Variants in NOL11 observed in about 807,000 individuals in gnomAD.
NOL11 encodes nucleolar protein 11.
NOL11 carries 42 observed loss-of-function variants against 93.0 expected under a neutral mutation model. The ratio of observed to expected loss-of-function variants is 0.45; its 90% CI spans 0.35 to 0.58. The LOEUF (loss-of-function observed/expected upper bound fraction) is 0.58, where lower values mean the gene tolerates loss of function less well. Among genes scored for constraint, NOL11 ranks in the 20% least tolerant of loss-of-function variants. NOL11 has a pLI of 0.00. For missense variants in NOL11, 775 were observed against 841.8 expected (o/e 0.92, Z 0.98); for synonymous variants, 296 against 293.7 (o/e 1.01, Z -0.08).
At position 67,719,906 on chromosome 17, in the gene NOL11, GT is replaced by G; in HGVS notation, c.260del (p.Leu87Ter). On this transcript the variant is annotated frameshift_variant and splice_region_variant, in exon 3 of 18. Coordinates refer to ENST00000253247, the MANE Select transcript of NOL11 (RefSeq NM_015462.5). LOFTEE classifies it high-confidence loss of function. ...TTTAACTAGTATGTTTTGATTTAAG[GT>G]TTTAAGAATATGGAATAATGAAGAT... ...GEYVVVHDNK[V>X]LRIWNNEDVN... is the part of the protein sequence containing the mutation. The G allele has an allele frequency of 6.4e-7, 1 of 1,569,290 alleles. No homozygotes were observed. Among genetic ancestry groups the G allele is most frequent in the South Asian group, 1.2e-5 (1 of 85,626 alleles).
At chr17:67,740,609 C>CA (rs11439892) in intron 16 of NOL11, 103,652 of 135,900 alleles carry the variant, frequency 0.76, 39,212 homozygotes, top group Middle Eastern at 0.86. Context: ...TACTCCGTCT[C>CA]AAAAAAAAAA....
At position 67,741,878 on chromosome 17, in the gene NOL11, T is replaced by A. The variant is rs149026401; in HGVS notation, c.1936-1601T>A. Among the ~76,000 whole-genome samples the A allele has an allele frequency of 9.4e-4, 143 of 152,296 alleles. 1 individual carries two copies. The highest frequency in any genetic ancestry group is 1.6e-4 in the Non-Finnish European group (11 of 68,020). On this transcript the variant is annotated intron_variant, in intron 16 of 17. Transcript: ENST00000253247. The stretch of plus-strand genomic sequence containing the variant: ...CGCACCCGGCCCACTCAGCACTGTT[T>A]TAGACATTTCCTGGACCAGTAGACA...
Position 67,743,901 on chromosome 17 carries a change from T to C in NOL11, c.*42T>C. The stretch of plus-strand genomic sequence containing the variant: ...TCATAGACATTTTATAAAGCTCTTT[T>C]ATGTGAACTCTTGCTTCATCCAGGC... On this transcript the variant is annotated 3_prime_UTR_variant, in exon 18 of 18. Transcript: ENST00000253247. 4.0e-6 allele frequency: 4 copies of C among 1,008,804 alleles called. No homozygotes were observed. Among genetic ancestry groups the C allele is most frequent in the Non-Finnish European group, 5.9e-6 (4 of 672,830 alleles). The allele number at this position is 1,008,804 out of a possible 1,614,324, so 62.5% of individuals were successfully genotyped here.
intron 13 of NOL11, 58 bp from the exon 14 acceptor site, chr17:67,738,064 A>G: frequency 1.3e-6 from 2 of 1,550,834 alleles, no homozygotes; most frequent in South Asian, 2.4e-5. Context: ...AGGAAATGAA[A>G]TTTTTCCCAA....
intron 6 of NOL11, among the ~76,000 whole-genome samples, chr17:67,726,082 T>C (rs2055089363): frequency 6.6e-6 from 1 of 152,096 alleles, no homozygotes; most frequent in Non-Finnish European, 1.5e-5. Context: ...TGAGACCCTG[T>C]CTCAAAAAAA....
In NOL11 at chr17:67,743,743, A is replaced by G. The variant is rs192947561; in HGVS notation, c.2044A>G (p.Ile682Val). 4 of 1,472,496 alleles carry G rather than the reference A, an allele frequency of 2.7e-6. No homozygotes were observed. The highest frequency in any genetic ancestry group is 2.3e-5 in the East Asian group (1 of 43,060). 91.2% of individuals were successfully genotyped at this position (1,472,496 alleles called of 1,614,324 possible). ...GTTACTCTGAAACTCTTTTCTTTAG[A>G]TATCTGTTTATTCTGAGCTCAACAA... ...INLYKLVKSQ[I>V]SVYSELNKIE... is the part of the protein sequence containing the mutation. Residue 682 changes from isoleucine to valine, a missense_variant and splice_region_variant, in exon 18 of 18, where the codon ATA becomes GTA. By Grantham distance (29) the Ile-to-Val change is conservative (BLOSUM62 3). Transcript: ENST00000253247.
chr17:67,736,065 T>G (rs772201505), intron 9 of NOL11, 42 bp downstream of exon 9: 4 of 1,550,242 alleles, frequency 2.6e-6, no homozygotes, highest in Non-Finnish European at 3.5e-6. Context: ...ACAAACCGTT[T>G]TATTAACTTG....
intron 1 of NOL11, chr17:67,719,421 C>T (rs536828100): frequency 2.7e-4 from 70 of 257,562 alleles, no homozygotes; most frequent in Admixed American, 3.7e-4. Context: ...CCACCACGCC[C>T]GGCTAATTTT....
At chr17:67,734,640 A>G (rs60963155) in intron 8 of NOL11, among the ~76,000 whole-genome samples, 75,319 of 151,998 alleles carry the variant, frequency 0.5, 19,150 homozygotes, top group Admixed American at 0.61. Context: ...TTGAACCTAA[A>G]TATTTTGGCA....
At chr17:67,730,077 G>GT (rs750114222) in intron 7 of NOL11, among the ~76,000 whole-genome samples, 4 of 152,146 alleles carry the variant, frequency 2.6e-5, no homozygotes, top group Non-Finnish European at 5.9e-5. Context: ...CTCGTTGCAT[G>GT]TATCAGTGTT....
intron 15 of NOL11, among the ~76,000 whole-genome samples, 184 bp from the exon 16 acceptor site, chr17:67,739,332 C>A (rs1000004451): frequency 6.6e-6 from 1 of 152,142 alleles, no homozygotes; most frequent in Non-Finnish European, 1.5e-5. Flanking sequence ...CACCACTACC[C>A]CCAAACCAGA....
At chr17:67,738,470 T>G in intron 14 of NOL11, 115 bp downstream of exon 14, 1 of 679,792 alleles carries the variant, frequency 1.5e-6, no homozygotes. Flanking sequence ...TTTCCAATTG[T>G]TTTTTGTTTC....
intron 3 of NOL11, 123 bp from the exon 4 acceptor site, chr17:67,721,255 T>G: frequency 1.6e-6 from 1 of 612,516 alleles, no homozygotes; most frequent in Admixed American, 3.6e-5. Flanking sequence ...TACATAATTA[T>G]AAAGCAAAAT....
intron 7 of NOL11, 27 bp downstream of exon 7, chr17:67,726,675 G>C: frequency 6.6e-7 from 1 of 1,526,634 alleles, no homozygotes; most frequent in Middle Eastern, 1.7e-4. Context: ...TCATTAAGAA[G>C]GCCTTTGTAT....
At position 67,738,911 on chromosome 17, in the gene NOL11, C is replaced by T. The variant is rs773068451; in HGVS notation, c.1764-21C>T. ...AGAATAGCTTCTATTTGTTGAAGTA[C>T]GATTTTCCTTTAGTCCTAAGTAATG... On this transcript the variant is annotated intron_variant, in intron 14 of 17. Coordinates refer to ENST00000253247, the MANE Select transcript of NOL11 (RefSeq NM_015462.5). 1.6e-5 allele frequency: 24 copies of T among 1,503,604 alleles called. No individual in the cohort carries two copies. The South Asian group carries it at 2.2e-4, about 14-fold the overall frequency. 93.1% of individuals were successfully genotyped at this position (1,503,604 alleles called of 1,614,324 possible).
At chr17:67,719,519 A>G in intron 1 of NOL11, 155 bp from the exon 2 acceptor site, 1 of 480,128 alleles carries the variant, frequency 2.1e-6, no homozygotes, top group Non-Finnish European at 3.8e-6. Context: ...TTGACCTCTC[A>G]AAATGCTGGG....
At chr17:67,732,680 TCTC>T (rs1441418659) in intron 7 of NOL11, among the ~76,000 whole-genome samples, 2 of 151,468 alleles carry the variant, frequency 1.3e-5, no homozygotes, top group Non-Finnish European at 2.9e-5. Context: ...TTCAAGCAGT[TCTC>T]CTGCCTCAAC....
rs758332756 is a variant in NOL11, at chr17:67,737,541, C to T, written c.1252C>T (p.Arg418Trp). ...AGAAAAACACATTGAAGTAGAAGTA[C>T]GGAAATTTTTGGCTCTGAAGCAGAC... ...DSEKHIEVEV[R>W]KFLALKQTPD... Residue 418 changes from arginine (R) to tryptophan (W), a missense_variant, in exon 12 of 18, where the codon CGG (arginine) becomes TGG (tryptophan). Coordinates refer to ENST00000253247, the MANE Select transcript of NOL11 (RefSeq NM_015462.5). 2.7e-5 allele frequency: 43 copies of T among 1,607,784 alleles called. No individual in the cohort carries two copies. Among genetic ancestry groups the T allele is most frequent in the East Asian group, 1.8e-4 (8 of 44,856 alleles).
rs375065271 is a variant in NOL11, at chr17:67,717,936, G to A, written c.-12G>A. On this transcript the variant is annotated 5_prime_UTR_variant, in exon 1 of 18. Coordinates refer to ENST00000253247, the MANE Select transcript of NOL11 (RefSeq NM_015462.5). ...CCGGGAGTGAGCGCGGCCGTACTTA[G>A]GTTTGCTCAAAATGGCAGCGCTGGA... 428 of 1,614,002 alleles carry A rather than the reference G, an allele frequency of 2.7e-4. 2 individuals are homozygous for A. The African/African-American group carries it at 4.8e-3, about 18-fold the overall frequency.
Sources: gnomAD v4.1 joint callset for allele counts (sites outside exome capture counted in the v4.1 genomes callset) on GRCh38, gnomAD v4.1.1 for gene constraint, MANE v1.5 for transcripts, NCBI Gene and HGNC (gene_info 2026-07-23, HGNC 2026-07-21) for gene names.